Variants in HTR1F observed in about 807,000 individuals in gnomAD.
HTR1F encodes the protein 5-hydroxytryptamine (serotonin) receptor 1F, G protein-coupled.
HTR1F carries 17 observed loss-of-function variants against 24.0 expected under a neutral mutation model. That is an observed-to-expected ratio of 0.71 (90% confidence interval 0.48 to 1.06). The LOEUF is 1.06. Ranked by LOEUF, HTR1F falls within the 50% of genes least tolerant of loss-of-function variation. The probability of loss-of-function intolerance (pLI) is 0.00; values close to 1 mark genes in which losing one functional copy is unlikely to be tolerated. For synonymous variants in HTR1F, 186 were observed against 156.8 expected, an observed-to-expected ratio of 1.19 and a Z score of -1.39; for missense variants, 391 against 427.8, an observed-to-expected ratio of 0.91 and a Z score of 0.76.
chr3:87,923,729 G>GT (rs1478796498), intron 2 of HTR1F, among the ~76,000 whole-genome samples: 1 of 151,784 alleles, frequency 6.6e-6, no homozygotes, highest in Non-Finnish European at 1.5e-5. Flanking sequence ...TTTAGCAAAT[G>GT]TTTTTTCTGC....
intron 2 of HTR1F, among the ~76,000 whole-genome samples, chr3:87,952,857 T>TC (rs1354582774): frequency 6.6e-6 from 1 of 151,652 alleles, no homozygotes; most frequent in Non-Finnish European, 1.5e-5. Flanking sequence ...TGTTTTTTTT[T>TC]CTCACGCTAA....
intron 2 of HTR1F, among the ~76,000 whole-genome samples, chr3:87,948,244 ATT>A (rs1559645247): frequency 1.3e-5 from 2 of 152,200 alleles, no homozygotes; most frequent in Non-Finnish European, 2.9e-5. Context: ...CTAATTAATT[ATT>A]ATAATAACTT....
intron 2 of HTR1F, among the ~76,000 whole-genome samples, chr3:87,960,915 T>C (rs1351075986): frequency 6.6e-6 from 1 of 151,988 alleles, no homozygotes; most frequent in Non-Finnish European, 1.5e-5. Flanking sequence ...GGAAATCAGA[T>C]GAAAAGTAGC....
At chr3:87,835,779 T>G (rs561475445) in intron 2 of HTR1F, among the ~76,000 whole-genome samples, 1 of 152,208 alleles carries the variant, frequency 6.6e-6, no homozygotes, top group Admixed American at 6.5e-5. Context: ...AAATTACAGA[T>G]AACTTGAGCC....
At chr3:87,886,413 C>G (rs1437986981) in intron 2 of HTR1F, among the ~76,000 whole-genome samples, 1 of 152,132 alleles carries the variant, frequency 6.6e-6, no homozygotes, top group African/African-American at 2.4e-5. Flanking sequence ...TGGAAGCATT[C>G]CCTTTGAAAA....
At chr3:87,869,746 G>A (rs1705514577) in intron 2 of HTR1F, among the ~76,000 whole-genome samples, 1 of 152,040 alleles carries the variant, frequency 6.6e-6, no homozygotes, top group Non-Finnish European at 1.5e-5. Flanking sequence ...CTGATTAGAT[G>A]AGGCCTACCC....
At chr3:87,817,096 T>A (rs191377845) in intron 1 of HTR1F, among the ~76,000 whole-genome samples, 1 of 152,244 alleles carries the variant, frequency 6.6e-6, no homozygotes, top group East Asian at 1.9e-4. Context: ...CACGTGTGAG[T>A]GCACACACAA....
At chr3:87,908,656 C>T (rs1175790956) in intron 2 of HTR1F, among the ~76,000 whole-genome samples, 1 of 152,022 alleles carries the variant, frequency 6.6e-6, no homozygotes, top group Non-Finnish European at 1.5e-5. Context: ...TGGCACCCTA[C>T]ATTCTAATTT....
intron 2 of HTR1F, among the ~76,000 whole-genome samples, chr3:87,987,803 GTAT>G (rs1344686176): frequency 7.5e-6 from 1 of 132,766 alleles, no homozygotes; most frequent in African/African-American, 3.2e-5. Context: ...TAAAATATAT[GTAT>G]TATATATGTA....
At chr3:87,924,709 G>A (rs1412969807) in intron 2 of HTR1F, among the ~76,000 whole-genome samples, 3 of 152,104 alleles carry the variant, frequency 2.0e-5, no homozygotes. Flanking sequence ...CTCCTGGTAT[G>A]TATGGTTTCT....
rs6802936 is a variant in HTR1F at position 87,946,871 on chromosome 3, C to A, written c.-42-43837C>A. 5.3e-5 allele frequency among the ~76,000 whole-genome samples: 8 copies of A among 151,894 alleles called. No individual in the cohort carries two copies. In the East Asian group the frequency reaches 1.2e-3, roughly 22 times the overall value. On this transcript the variant is annotated intron_variant, in intron 2 of 2. Transcript: ENST00000319595. The stretch of plus-strand genomic sequence containing the variant: ...TGATCTCCTGACCTCATGATCTGCC[C>A]GCCTTAGCCTCCCAAAGTGCTGGGA...
intron 2 of HTR1F, among the ~76,000 whole-genome samples, chr3:87,869,427 A>AGATACATAGATAGATAGATAGAT: frequency 7.1e-6 from 1 of 140,804 alleles, no homozygotes; most frequent in Admixed American, 7.1e-5. Flanking sequence ...ATAGATAGAT[A>AGATACATAGATAGATAGATAGAT]GATAGATACA....
chr3:87,920,868 C>T (rs987451709), intron 2 of HTR1F, among the ~76,000 whole-genome samples: 4 of 151,990 alleles, frequency 2.6e-5, no homozygotes, highest in African/African-American at 9.7e-5. Flanking sequence ...TGCCCCTGAA[C>T]CTAAAATAAA....
At chr3:87,972,297 T>C (rs1705301924) in intron 2 of HTR1F, among the ~76,000 whole-genome samples, 1 of 152,216 alleles carries the variant, frequency 6.6e-6, no homozygotes, top group African/African-American at 2.4e-5. Context: ...AATAATCAAT[T>C]TTCTCAACTT....
chr3:87,871,015 A>G (rs1280263564), intron 2 of HTR1F, among the ~76,000 whole-genome samples: 1 of 151,738 alleles, frequency 6.6e-6, no homozygotes, highest in Non-Finnish European at 1.5e-5. Context: ...CACGTGAAGA[A>G]ACAGGGAAGT....
In HTR1F at chr3:87,810,631, A is replaced by G. The variant is rs535031629; in HGVS notation, c.-159-11377A>G. Among the ~76,000 whole-genome samples, 29 of 152,328 alleles carry G rather than the reference A, an allele frequency of 1.9e-4. No individual in the cohort carries two copies. In the South Asian group the frequency reaches 3.7e-3, roughly 20 times the overall value. The stretch of plus-strand genomic sequence containing the variant: ...TCCTCTGTGGCTTCCATCAAACTGA[A>G]TCACACTATTTCAATGGAAATTCCT... On this transcript the variant is annotated intron_variant, in intron 1 of 2. Coordinates refer to ENST00000319595, the MANE Select transcript of HTR1F (RefSeq NM_001322209.2).
chr3:87,874,958 C>G (rs1450403511), intron 2 of HTR1F, among the ~76,000 whole-genome samples: 1 of 152,130 alleles, frequency 6.6e-6, no homozygotes. Flanking sequence ...TAGATCCTTA[C>G]TTTACACCAT....
chr3:87,929,275 G>T (rs545393056), intron 2 of HTR1F, among the ~76,000 whole-genome samples: 2 of 152,250 alleles, frequency 1.3e-5, no homozygotes, highest in East Asian at 3.9e-4. Flanking sequence ...CAGCAAAACA[G>T]TTATGAAGTT....
intron 2 of HTR1F, among the ~76,000 whole-genome samples, chr3:87,964,425 C>T (rs1166014454): frequency 6.7e-6 from 1 of 149,412 alleles, no homozygotes; most frequent in South Asian, 2.1e-4. Context: ...GGAGTAATCG[C>T]TCCTTTTTTG....
Sources: allele counts gnomAD v4.1 joint callset (sites outside exome capture counted in the v4.1 genomes callset), GRCh38; gene constraint gnomAD v4.1.1; transcripts MANE v1.5; gene names NCBI Gene and HGNC (gene_info 2026-07-23, HGNC 2026-07-21).